Variants in GMEB1 observed in about 807,000 individuals in gnomAD.
GMEB1 encodes the protein glucocorticoid modulatory element-binding protein 1.
A neutral mutation model predicts 52.4 loss-of-function variants in GMEB1; 6 were observed. The observed-to-expected ratio is 0.11, with a 90% CI of 0.06 to 0.23. GMEB1 has a LOEUF of 0.23. Ranked by LOEUF, GMEB1 falls within the 10% of genes least tolerant of loss-of-function variation. GMEB1 has a pLI of 1.00. For synonymous variants in GMEB1, 255 were observed against 244.9 expected (o/e 1.04, Z -0.38); for missense variants, 486 against 685.6 (o/e 0.71, Z 3.25).
chr1:28,682,388 G>C (rs948243607), intron 1 of GMEB1, among the ~76,000 whole-genome samples: 2 of 152,052 alleles, frequency 1.3e-5, no homozygotes, highest in African/African-American at 4.8e-5. Flanking sequence ...GGGAGGCTGA[G>C]ACGGGTGGAT....
intron 1 of GMEB1, among the ~76,000 whole-genome samples, chr1:28,681,248 G>C (rs1669375328): frequency 6.6e-6 from 1 of 152,074 alleles, no homozygotes; most frequent in Non-Finnish European, 1.5e-5. Flanking sequence ...AAAATGGTTA[G>C]CAGGGACTAG....
intron 1 of GMEB1, among the ~76,000 whole-genome samples, chr1:28,682,347 G>A (rs867246464): frequency 2.0e-5 from 3 of 151,944 alleles, no homozygotes; most frequent in Admixed American, 6.6e-5. Context: ...AGTCCCAGGC[G>A]TGGTGGCTCA....
chr1:28,712,348 G>A (rs1671094166), intron 9 of GMEB1, among the ~76,000 whole-genome samples: 1 of 152,072 alleles, frequency 6.6e-6, no homozygotes, highest in Non-Finnish European at 1.5e-5. Context: ...CATTACATAG[G>A]TATGGTTGAT....
intron 6 of GMEB1, among the ~76,000 whole-genome samples, chr1:28,698,412 A>AC: frequency 6.6e-6 from 1 of 151,394 alleles, no homozygotes; most frequent in East Asian, 2.0e-4. Context: ...ATGGTGGCTC[A>AC]CGCCTGTAAT....
intron 6 of GMEB1, among the ~76,000 whole-genome samples, chr1:28,700,534 AAT>A (rs1670452689): frequency 2.7e-5 from 4 of 150,442 alleles, no homozygotes; most frequent in Non-Finnish European, 4.4e-5. Flanking sequence ...AAAAAAAAAA[AAT>A]TAGCTGTGCA....
rs1476354137 is a variant in GMEB1 at position 28,715,908 on chromosome 1, A to G, written c.*1135A>G. On this transcript the variant is annotated 3_prime_UTR_variant, in exon 10 of 10. Transcript: ENST00000373816. ...GGAGTTTGAGGCCAGCCTGGCCAAC[A>G]TGGTGAAACCCCGTCTCTACTGAAA... The G allele has an allele frequency of 6.6e-6, 1 of 151,958 alleles. No individual in the cohort carries two copies. Among genetic ancestry groups the G allele is most frequent in the Non-Finnish European group, 1.5e-5 (1 of 68,068 alleles). The allele number at this position is 151,958 out of a possible 1,614,324, so 9.4% of individuals were successfully genotyped here. A position where few individuals can be genotyped will look rare whatever the true frequency, so the allele number is the denominator to read the frequency against.
At chr1:28,675,207 C>T (rs1669094815) in intron 1 of GMEB1, among the ~76,000 whole-genome samples, 1 of 149,152 alleles carries the variant, frequency 6.7e-6, no homozygotes, top group Admixed American at 6.8e-5. Context: ...TTAGTAGAGA[C>T]GAGGTTTCAC....
Position 28,696,973 on chromosome 1 carries a change from G to A in GMEB1, c.487G>A (p.Val163Ile). 6.2e-7 allele frequency: 1 copy of A among 1,611,032 alleles called. No individual in the cohort carries two copies. The highest frequency in any genetic ancestry group is 8.5e-7 in the Non-Finnish European group (1 of 1,178,534). The change falls in exon 6 of 10, where the codon GTT (valine) becomes ATT (isoleucine). Residue 163 changes from valine to isoleucine, a missense_variant. Val to Ile is a conservative substitution (Grantham distance 29, BLOSUM62 3). Coordinates refer to ENST00000373816, the MANE Select transcript of GMEB1 (RefSeq NM_001319674.2). ...GQIDFYQHDK[V>I]CSNTCRSTKF... ...GATTGATTTTTACCAACATGACAAA[G>A]TTTGCTCCAATACCTGCAGAAGCAC...
intron 3 of GMEB1, among the ~76,000 whole-genome samples, chr1:28,691,126 A>G (rs1456658300): frequency 6.6e-6 from 1 of 152,058 alleles, no homozygotes; most frequent in African/African-American, 2.4e-5. Context: ...CCCTATCTCT[A>G]CTAAAAATAC....
At chr1:28,702,933 T>C (rs1443253866) in intron 7 of GMEB1, among the ~76,000 whole-genome samples, 2 of 151,964 alleles carry the variant, frequency 1.3e-5, no homozygotes, top group Non-Finnish European at 2.9e-5. Flanking sequence ...CAGGCGCCTG[T>C]AGTCCCAGCT....
chr1:28,692,164 C>T (rs1176685215), intron 4 of GMEB1, among the ~76,000 whole-genome samples: 1 of 151,818 alleles, frequency 6.6e-6, no homozygotes, highest in Non-Finnish European at 1.5e-5. Flanking sequence ...GTGTGCACCA[C>T]TGTGCCTGGC....
chr1:28,674,955 G>A (rs1324947361), intron 1 of GMEB1, among the ~76,000 whole-genome samples: 1 of 142,732 alleles, frequency 7.0e-6, no homozygotes, highest in Non-Finnish European at 1.5e-5. Flanking sequence ...TCCTGACCTC[G>A]TGATCCGCCC....
chr1:28,702,628 C>G, intron 7 of GMEB1, 59 bp downstream of exon 7: 1 of 1,485,436 alleles, frequency 6.7e-7, no homozygotes, highest in Non-Finnish European at 9.3e-7. Flanking sequence ...TCACCATTAT[C>G]ATTATGGACA....
chr1:28,712,556 C>T (rs1182834403), intron 9 of GMEB1, among the ~76,000 whole-genome samples: 1 of 152,172 alleles, frequency 6.6e-6, no homozygotes, highest in East Asian at 1.9e-4. Context: ...CGCAGTGGCT[C>T]ATGCCTGTAA....
intron 2 of GMEB1, among the ~76,000 whole-genome samples, chr1:28,686,628 C>CA (rs67007069): frequency 0.073 from 6,893 of 94,096 alleles, 612 homozygotes; most frequent in African/African-American, 0.22. Flanking sequence ...GATTCTGTCT[C>CA]AAAAAAAAAA....
In GMEB1 at chr1:28,701,268, C is replaced by CTTTTTTTTT. The variant is rs67909525; in HGVS notation, c.599-1161_599-1153dup. Among the ~76,000 whole-genome samples, 105 of 109,814 alleles carry CTTTTTTTTT rather than the reference C, an allele frequency of 9.6e-4. 8 individuals carry two copies. The highest frequency in any genetic ancestry group is 1.7e-3 in the African/African-American group (49 of 28,260). The allele number at this position is 109,814 out of a possible 152,430, so 72.0% of individuals were successfully genotyped here. A position where few individuals can be genotyped will look rare whatever the true frequency, so the allele number is the denominator to read the frequency against. ...TTGATTCTCTTTGTTTAAAAGCTGT[C>CTTTTTTTTT]TTTTTTTTTTTTTTTTTGAGATGAT... On this transcript the variant is annotated intron_variant, in intron 6 of 9. Coordinates refer to ENST00000373816, the MANE Select transcript of GMEB1 (RefSeq NM_001319674.2).
Position 28,671,979 on chromosome 1 carries a change from G to A in GMEB1, c.-31+3140G>A, listed in dbSNP as rs541979332. On this transcript the variant is annotated intron_variant, in intron 1 of 9. Transcript: ENST00000373816. ...TAAAAAATACAAAAATTAGCTGGGC[G>A]TGGTGGCAGATGCTTGTAATCCCAG... Among the ~76,000 whole-genome samples the A allele has an allele frequency of 2.7e-5, 4 of 150,752 alleles. No individual in the cohort carries two copies. The South Asian group carries it at 8.4e-4, about 31-fold the overall frequency.
At chr1:28,673,867 T>G (rs1397729343) in intron 1 of GMEB1, among the ~76,000 whole-genome samples, 1 of 150,956 alleles carries the variant, frequency 6.6e-6, no homozygotes, top group Non-Finnish European at 1.5e-5. Flanking sequence ...GTAAAGAAAT[T>G]AGGCCAGGCG....
Position 28,718,648 on chromosome 1 carries a change from T to G in GMEB1, c.*3875T>G, listed in dbSNP as rs1173359117. Reference sequence around the variant, plus strand: ...TCATTATAATTGTTTTTTTTTGTAATTTTATGTATTTTATGCATTGAAAAA... The same window carrying G: ...TCATTATAATTGTTTTTTTTTGTAAGTTTATGTATTTTATGCATTGAAAAA... On this transcript the variant is annotated 3_prime_UTR_variant, in exon 10 of 10. Transcript: ENST00000373816. 2 of 152,172 alleles carry G rather than the reference T, an allele frequency of 1.3e-5. No homozygotes were observed. Among genetic ancestry groups the G allele is most frequent in the African/African-American group, 4.8e-5 (2 of 41,442 alleles). The allele number at this position is 152,172 out of a possible 1,614,324, so 9.4% of individuals were successfully genotyped here.
Sources: allele counts gnomAD v4.1 joint callset (sites outside exome capture counted in the v4.1 genomes callset), GRCh38; gene constraint gnomAD v4.1.1; transcripts MANE v1.5; gene names NCBI Gene and HGNC (gene_info 2026-07-23, HGNC 2026-07-21).